Variants in ZNF236 observed in about 807,000 individuals in gnomAD.
ZNF236 encodes the protein zinc finger protein 236.
In ZNF236, 50 loss-of-function variants were observed where a neutral mutation model predicts 191.2. The observed-to-expected ratio is 0.26, with a 90% CI of 0.21 to 0.33. The LOEUF (loss-of-function observed/expected upper bound fraction) is 0.33. Ranked by LOEUF, ZNF236 falls within the 10% of genes least tolerant of loss-of-function variation. ZNF236 has a pLI of 1.00. For missense variants in ZNF236, 1,754 were observed against 2,374.5 expected (o/e 0.74, Z 5.43); for synonymous variants, 907 against 928.8 (o/e 0.98, Z 0.43).
chr18:76,844,229 G>A (rs1226088968), intron 1 of ZNF236, among the ~76,000 whole-genome samples: 4 of 148,314 alleles, frequency 2.7e-5, no homozygotes, highest in Non-Finnish European at 5.9e-5. Context: ...GACAGAGTGA[G>A]ACTCCATCTC....
At chr18:76,824,052 CTG>C (rs1202888288) in intron 1 of ZNF236, 2 of 423,614 alleles carry the variant, frequency 4.7e-6, no homozygotes, top group Non-Finnish European at 8.6e-6. Context: ...TTTTATTTAA[CTG>C]TTTAGCTTAG....
At chr18:76,911,498 C>T (rs1967216373) in intron 16 of ZNF236, among the ~76,000 whole-genome samples, 1 of 152,198 alleles carries the variant, frequency 6.6e-6, no homozygotes, top group Admixed American at 6.5e-5. Flanking sequence ...CCAGAGCTCT[C>T]TAAATAAAAC....
intron 26 of ZNF236, among the ~76,000 whole-genome samples, chr18:76,944,753 G>T (rs1378050517): frequency 6.6e-6 from 1 of 152,162 alleles, no homozygotes; most frequent in Non-Finnish European, 1.5e-5. Context: ...TTGCACTGTA[G>T]CCTGGGTAAC....
chr18:76,954,243 T>C (rs189487803), intron 27 of ZNF236, among the ~76,000 whole-genome samples: 3 of 152,354 alleles, frequency 2.0e-5, no homozygotes, highest in Admixed American at 2.0e-4. Flanking sequence ...TTTTAAAGTT[T>C]CGTGTGTTTG....
At chr18:76,894,029 A>G (rs1228898847) in intron 9 of ZNF236, among the ~76,000 whole-genome samples, 1 of 152,188 alleles carries the variant, frequency 6.6e-6, no homozygotes, top group African/African-American at 2.4e-5. Context: ...AAATTTCATT[A>G]ATGTGGGAAA....
At chr18:76,900,083 T>C (rs764948415) in intron 11 of ZNF236, among the ~76,000 whole-genome samples, 10 of 152,232 alleles carry the variant, frequency 6.6e-5, no homozygotes, top group Non-Finnish European at 1.3e-4. Context: ...AGTTTCTGTA[T>C]TTCACTACTT....
chr18:76,834,500 CT>C, intron 1 of ZNF236: 1 of 444,280 alleles, frequency 2.3e-6, no homozygotes. Flanking sequence ...CGAGATTTGG[CT>C]TTCCGTTCAA....
chr18:76,961,516 T>A (rs1233799846), intron 30 of ZNF236, among the ~76,000 whole-genome samples: 1 of 152,132 alleles, frequency 6.6e-6, no homozygotes, highest in Non-Finnish European at 1.5e-5. Flanking sequence ...AACATGCGTG[T>A]GCAAGTGTCT....
At chr18:76,822,860 C>T (rs981126684) in intron 1 of ZNF236, among the ~76,000 whole-genome samples, 198 bp downstream of exon 1, 6 of 147,320 alleles carry the variant, frequency 4.1e-5, no homozygotes, top group Non-Finnish European at 6.0e-5. Flanking sequence ...AGTCGCCGCC[C>T]GGCCCCTCCG....
At chr18:76,892,168 G>GTTTTTTTTTTTT (rs34870901) in intron 9 of ZNF236, among the ~76,000 whole-genome samples, 6 of 52,772 alleles carry the variant, frequency 1.1e-4, no homozygotes, top group Non-Finnish European at 1.4e-4. Context: ...TTTCTTCTGG[G>GTTTTTTTTTTTT]TTTTTTTTTT....
At chr18:76,959,492 TCCC>T (rs755433409) in intron 28 of ZNF236, among the ~76,000 whole-genome samples, 192 bp from the exon 29 acceptor site, 22 of 152,120 alleles carry the variant, frequency 1.4e-4, no homozygotes, top group Non-Finnish European at 2.8e-4. Context: ...GACCGGAGTC[TCCC>T]CGAGAAGCCC....
chr18:76,960,257 G>A lies in ZNF236; in HGVS notation c.5243-422G>A, dbSNP rs1178154979. On this transcript the variant is annotated intron_variant, in intron 29 of 30. Coordinates refer to ENST00000320610, the MANE Select transcript of ZNF236 (RefSeq NM_001306089.2). This position sits in a 1 kb window ranked among gnomAD's most constrained non-coding sequence, Gnocchi z 4.4. ...AAATCTGCTCAAACCTTTTGTCTTA[G>A]AGAAAAAAAACACACGGAACAAAGA... Among the ~76,000 whole-genome samples, 1 of 152,080 alleles carries A rather than the reference G, an allele frequency of 6.6e-6. No individual in the cohort carries two copies. The highest frequency in any genetic ancestry group is 2.4e-5 in the African/African-American group (1 of 41,408).
intron 5 of ZNF236, among the ~76,000 whole-genome samples, chr18:76,872,685 G>C (rs2122611001): frequency 6.6e-6 from 1 of 152,230 alleles, no homozygotes; most frequent in African/African-American, 2.4e-5. Flanking sequence ...AGAGCAGCCT[G>C]GTTATAATAT....
intron 2 of ZNF236, 146 bp downstream of exon 2, chr18:76,849,814 T>A: frequency 1.3e-6 from 1 of 766,346 alleles, no homozygotes; most frequent in Non-Finnish European, 1.8e-6. Flanking sequence ...TTGGCCTTTT[T>A]AAAAGTTGTA....
rs1292835726 is a variant in ZNF236, at chr18:76,925,270, C to T, written c.3743C>T (p.Thr1248Met). ...CTGAAGGTCCACATGCGCCTGCACACGGGAGCCAAGCCCTTCAAATGCCCG... is the reference window on the plus strand; with the variant it reads ...CTGAAGGTCCACATGCGCCTGCACATGGGAGCCAAGCCCTTCAAATGCCCG... ...GSLKVHMRLHTGAKPFKCPHC... is the reference protein window; with the variant it reads ...GSLKVHMRLHMGAKPFKCPHC... Residue 1248 changes from threonine (T) to methionine (M), a missense_variant, in exon 22 of 31, where the codon ACG (threonine) becomes ATG (methionine). Transcript: ENST00000320610. This position sits in a 1 kb window ranked among gnomAD's most constrained non-coding sequence, Gnocchi z 5.7. 8.7e-6 allele frequency: 14 copies of T among 1,614,074 alleles called. No individual in the cohort carries two copies. Among genetic ancestry groups the T allele is most frequent in the Non-Finnish European group, 1.1e-5 (13 of 1,180,046 alleles).
intron 2 of ZNF236, among the ~76,000 whole-genome samples, chr18:76,851,539 T>C (rs1385341378): frequency 6.6e-6 from 1 of 152,258 alleles, no homozygotes; most frequent in African/African-American, 2.4e-5. Flanking sequence ...GCATTTCTTA[T>C]TAGAAATATT....
chr18:76,920,885 C>T (rs138999442), intron 20 of ZNF236, among the ~76,000 whole-genome samples: 167 of 152,312 alleles, frequency 1.1e-3, no homozygotes, highest in African/African-American at 3.6e-3. Context: ...AATGTCCTTC[C>T]TTTCTGGAGA....
chr18:76,966,031 C>T (rs1211991702), intron 30 of ZNF236, among the ~76,000 whole-genome samples: 2 of 152,172 alleles, frequency 1.3e-5, no homozygotes, highest in African/African-American at 4.8e-5. Flanking sequence ...CGTGTCTGAG[C>T]TCAGACTCTC....
chr18:76,839,111 T>C (rs1387999186), intron 1 of ZNF236, among the ~76,000 whole-genome samples: 1 of 152,256 alleles, frequency 6.6e-6, no homozygotes, highest in Non-Finnish European at 1.5e-5. Context: ...TCCTCCAACA[T>C]ATTTGCCCCT....
Sources: allele counts gnomAD v4.1 joint callset (sites outside exome capture counted in the v4.1 genomes callset), GRCh38; gene constraint gnomAD v4.1.1; non-coding constraint Gnocchi (gnomAD v3.1); transcripts MANE v1.5; gene names NCBI Gene and HGNC (gene_info 2026-07-23, HGNC 2026-07-21).